The following PCSK5 variants were observed in gnomAD, a reference collection of about 807,000 sequenced individuals.
The protein encoded by PCSK5 is prohormone convertase 5.
A neutral mutation model predicts 233.2 loss-of-function variants in PCSK5; 129 were observed. The observed-to-expected ratio is 0.55, with a 90% CI of 0.48 to 0.64. PCSK5 has a LOEUF of 0.64. Ranked by LOEUF, PCSK5 falls within the 30% of genes least tolerant of loss-of-function variation. PCSK5 has a pLI of 0.00. For missense variants in PCSK5, 2,076 were observed against 2,430.1 expected (o/e 0.85, Z 3.06); for synonymous variants, 825 against 879.2 (o/e 0.94, Z 1.09).
chr9:75,890,936 G>T lies in PCSK5; in HGVS notation c.-246G>T. The stretch of plus-strand genomic sequence containing the variant: ...CGTCCGAGCCGGGGAGCATCGCCGA[G>T]CGCCCCACGGGCCGGAGAGCTGGGA... On this transcript the variant is annotated 5_prime_UTR_variant, in exon 1 of 38. Coordinates refer to ENST00000674117, the MANE Select transcript of PCSK5 (RefSeq NM_001372043.1). The T allele has an allele frequency of 7.9e-6, 3 of 380,216 alleles. No homozygotes were observed. The highest frequency in any genetic ancestry group is 9.3e-6 in the Non-Finnish European group (2 of 214,450). The allele number at this position is 380,216 out of a possible 1,614,324, so 23.6% of individuals were successfully genotyped here.
chr9:75,971,977 T>A (rs902622630), intron 2 of PCSK5, among the ~76,000 whole-genome samples: 5 of 152,190 alleles, frequency 3.3e-5, no homozygotes, highest in African/African-American at 1.2e-4. Flanking sequence ...GCTTTTGACA[T>A]TTTCATCATG....
At chr9:76,084,005 G>C (rs1830962826) in intron 7 of PCSK5, among the ~76,000 whole-genome samples, 2 of 152,158 alleles carry the variant, frequency 1.3e-5, no homozygotes, top group South Asian at 4.1e-4. Context: ...TATATAGCTA[G>C]GCGGAAAGAA....
intron 2 of PCSK5, among the ~76,000 whole-genome samples, chr9:75,972,163 A>G (rs7857810): frequency 0.77 from 116,403 of 152,008 alleles, 44,856 homozygotes; most frequent in Admixed American, 0.81. Flanking sequence ...TGTTTTTGTC[A>G]GGTTTGTTGA....
intron 25 of PCSK5, among the ~76,000 whole-genome samples, chr9:76,293,865 A>G (rs1282701299): frequency 4.6e-5 from 7 of 152,400 alleles, no homozygotes; most frequent in Admixed American, 3.9e-4. Flanking sequence ...CTTTGAAAAC[A>G]TTCAGCAACT....
chr9:76,122,717 A>G (rs1398285583), intron 9 of PCSK5, among the ~76,000 whole-genome samples: 1 of 152,120 alleles, frequency 6.6e-6, no homozygotes, highest in Non-Finnish European at 1.5e-5. Context: ...ATATTATTAA[A>G]TTTTAACTAT....
chr9:76,245,176 CA>C (rs1826550657), intron 24 of PCSK5, among the ~76,000 whole-genome samples: 1 of 152,108 alleles, frequency 6.6e-6, no homozygotes, highest in African/African-American at 2.4e-5. Flanking sequence ...TGATTTTAAT[CA>C]AATTACATAA....
rs772173720 is a variant in PCSK5, at chr9:76,175,245, T to TC, written c.1900+116_1900+117insC. 130 of 635,502 alleles carry TC rather than the reference T, an allele frequency of 2.0e-4. 1 individual carries two copies. The highest frequency in any genetic ancestry group is 1.7e-3 in the Admixed American group (53 of 30,682). 39.4% of individuals were successfully genotyped at this position (635,502 alleles called of 1,614,324 possible). ...TGAAATGGAATGGAATGAAATGGAA[T>TC]GGAATGGAATGGAATGGAATGGAAT... On this transcript the variant is annotated intron_variant, in intron 14 of 37. Transcript: ENST00000674117.
intron 20 of PCSK5, among the ~76,000 whole-genome samples, chr9:76,226,177 G>A (rs1344416661): frequency 6.6e-6 from 1 of 152,166 alleles, no homozygotes; most frequent in African/African-American, 2.4e-5. Flanking sequence ...GCATCACTCT[G>A]AACATGCACT....
chr9:76,301,425 CT>C (rs2131423692), intron 27 of PCSK5, among the ~76,000 whole-genome samples: 1 of 152,240 alleles, frequency 6.6e-6, no homozygotes, highest in East Asian at 1.9e-4. Context: ...AGAATGTATA[CT>C]CACAAAGATG....
At chr9:75,968,875 ATTAT>A (rs1253046140) in intron 2 of PCSK5, among the ~76,000 whole-genome samples, 1 of 152,272 alleles carries the variant, frequency 6.6e-6, no homozygotes, top group South Asian at 2.1e-4. Context: ...TATAGACTTG[ATTAT>A]TTATCATCAT....
At chr9:75,972,735 A>G (rs762057158) in intron 2 of PCSK5, among the ~76,000 whole-genome samples, 14 of 152,088 alleles carry the variant, frequency 9.2e-5, no homozygotes, top group Non-Finnish European at 1.8e-4. Context: ...TTGTATCTTG[A>G]GACTTTGTTG....
chr9:75,999,775 C>T (rs551663949), intron 3 of PCSK5, among the ~76,000 whole-genome samples: 2 of 152,264 alleles, frequency 1.3e-5, no homozygotes, highest in African/African-American at 4.8e-5. Flanking sequence ...GATTTTGGGG[C>T]GCTTGCTCCC....
Position 76,310,714 on chromosome 9 carries a change from C to T in PCSK5, c.3747C>T (p.Ser1249=), listed in dbSNP as rs773283039. The stretch of plus-strand genomic sequence containing the variant: ...CCTGTCCCCAAGGCACATGGCCTTC[C>T]GTAAGGAGTGGGAGCTGCGAGAACT... ...VSSCPQGTWP[S]VRSGSCENCT... The change falls in exon 30 of 38, where the codon TCC becomes TCT. Residue 1249 remains serine, a synonymous_variant. Transcript: ENST00000674117. 3.2e-5 allele frequency: 51 copies of T among 1,611,450 alleles called. No homozygotes were observed. Among genetic ancestry groups the T allele is most frequent in the Non-Finnish European group, 4.0e-5 (47 of 1,179,270 alleles).
chr9:75,953,842 G>A (rs1451059661), intron 2 of PCSK5, among the ~76,000 whole-genome samples: 4 of 152,024 alleles, frequency 2.6e-5, no homozygotes. Context: ...ATGAGTATGT[G>A]GTTTTGTCAC....
intron 27 of PCSK5, among the ~76,000 whole-genome samples, chr9:76,300,182 AT>A (rs1196668699): frequency 1.3e-5 from 2 of 152,364 alleles, no homozygotes; most frequent in Non-Finnish European, 2.9e-5. Flanking sequence ...GTGAAAAAAA[AT>A]AAATCGACTT....
chr9:76,266,157 G>C (rs1017997608), intron 24 of PCSK5, among the ~76,000 whole-genome samples: 1 of 152,280 alleles, frequency 6.6e-6, no homozygotes, highest in Non-Finnish European at 1.5e-5. Context: ...CAGTTTTCAT[G>C]TAATCCACTG....
chr9:75,949,489 A>G (rs1442957327), intron 2 of PCSK5, among the ~76,000 whole-genome samples: 1 of 151,992 alleles, frequency 6.6e-6, no homozygotes, highest in Non-Finnish European at 1.5e-5. Flanking sequence ...TTTTGCCAAT[A>G]TTTATGTTGG....
intron 1 of PCSK5, among the ~76,000 whole-genome samples, chr9:75,925,734 G>A (rs1422962247): frequency 1.3e-5 from 2 of 152,158 alleles, no homozygotes; most frequent in Non-Finnish European, 2.9e-5. Context: ...GAATGCTCTT[G>A]GTGAGTAAGG....
chr9:75,976,446 A>G (rs1350762456), intron 2 of PCSK5, among the ~76,000 whole-genome samples: 1 of 152,164 alleles, frequency 6.6e-6, no homozygotes, highest in Non-Finnish European at 1.5e-5. Flanking sequence ...AGGACAAATT[A>G]AACTTGTCCC....
Sources: allele counts gnomAD v4.1 joint callset (sites outside exome capture counted in the v4.1 genomes callset), GRCh38; gene constraint gnomAD v4.1.1; transcripts MANE v1.5; gene names NCBI Gene and HGNC (gene_info 2026-07-23, HGNC 2026-07-21).